Variants in RHOU observed in about 807,000 individuals in gnomAD.
RHOU encodes rho-related GTP-binding protein RhoU.
A neutral mutation model predicts 12.6 loss-of-function variants in RHOU; 8 were observed. The observed-to-expected ratio is 0.64, with a 90% CI of 0.37 to 1.15. The LOEUF (loss-of-function observed/expected upper bound fraction) is 1.15, where lower values mean the gene tolerates loss of function less well. Among genes scored for constraint, RHOU ranks in the 50% most tolerant of loss-of-function variants. RHOU has a pLI of 0.01. For synonymous variants in RHOU, 161 were observed against 147.4 expected (o/e 1.09, Z -0.67); for missense variants, 258 against 347.0 (o/e 0.74, Z 2.04).
chr1:228,700,783 T>A, the RHOU span, among the ~76,000 whole-genome samples: 1 of 152,144 alleles, frequency 6.6e-6, no homozygotes, highest in Non-Finnish European at 1.5e-5. Flanking sequence ...TGACAATGCT[T>A]TTCATATAAT....
chr1:228,691,833 A>G, the RHOU span, among the ~76,000 whole-genome samples: 1 of 152,234 alleles, frequency 6.6e-6, no homozygotes, highest in African/African-American at 2.4e-5. Context: ...AGTTTCTGCT[A>G]TCCCCTCTCA....
At chr1:228,676,526 A>T in the RHOU span, among the ~76,000 whole-genome samples, 1 of 152,204 alleles carries the variant, frequency 6.6e-6, no homozygotes, top group Non-Finnish European at 1.5e-5. Context: ...CTCAATATGT[A>T]GATTCTTTTG....
the RHOU span, among the ~76,000 whole-genome samples, chr1:228,707,257 T>TATATA: frequency 1.0e-3 from 41 of 40,382 alleles, no homozygotes; most frequent in African/African-American, 6.8e-3. Context: ...ATATATATAG[T>TATATA]GTGTGTGTGT....
the RHOU span, among the ~76,000 whole-genome samples, chr1:228,675,342 A>G: frequency 6.6e-6 from 1 of 151,576 alleles, no homozygotes; most frequent in African/African-American, 2.4e-5. Context: ...TCCTTGAACT[A>G]TCTCCTCCTT....
the RHOU span, among the ~76,000 whole-genome samples, chr1:228,672,051 C>T: frequency 1.3e-5 from 2 of 152,206 alleles, no homozygotes; most frequent in African/African-American, 4.8e-5. Context: ...AAAAGAGTTC[C>T]TGAAACTTAA....
At chr1:228,693,856 A>G in the RHOU span, among the ~76,000 whole-genome samples, 1 of 152,248 alleles carries the variant, frequency 6.6e-6, no homozygotes, top group Admixed American at 6.5e-5. Context: ...CCAAGGTAGT[A>G]TTCTTTTTTA....
chr1:228,706,779 T>G, the RHOU span, among the ~76,000 whole-genome samples: 577 of 152,262 alleles, frequency 3.8e-3, 3 homozygotes, highest in Middle Eastern at 0.027. Flanking sequence ...TAATAATTTG[T>G]ATATGTTAGC....
At chr1:228,727,433 C>T in the RHOU span, among the ~76,000 whole-genome samples, 2 of 152,056 alleles carry the variant, frequency 1.3e-5, no homozygotes, top group Admixed American at 6.6e-5. Context: ...CCTCAGCCTC[C>T]TGAGTAGCTG....
At chr1:228,710,188 A>G in the RHOU span, among the ~76,000 whole-genome samples, 1 of 152,202 alleles carries the variant, frequency 6.6e-6, no homozygotes, top group Non-Finnish European at 1.5e-5. Flanking sequence ...AACCAAAAAG[A>G]GTCCAGGACC....
At position 228,738,518 on chromosome 1, in the gene RHOU, A is replaced by C. The variant is rs1224243473; in HGVS notation, c.321+787A>C. ...TCTAGTATGTTCTAGAGTTCAGCAA[A>C]GTTCCGGGGGTACTTTGTAGGCAGG... On this transcript the variant is annotated intron_variant, in intron 2 of 2. Transcript: ENST00000366691. The surrounding 1 kb of genome is among the most constrained non-coding windows in gnomAD (Gnocchi z 4.2). 6.6e-6 allele frequency among the ~76,000 whole-genome samples: 1 copy of C among 152,134 alleles called. No individual in the cohort carries two copies. The highest frequency in any genetic ancestry group is 2.4e-5 in the African/African-American group (1 of 41,418).
At chr1:228,680,315 G>A in the RHOU span, among the ~76,000 whole-genome samples, 1 of 152,108 alleles carries the variant, frequency 6.6e-6, no homozygotes, top group Non-Finnish European at 1.5e-5. Flanking sequence ...ACCTCCAGTG[G>A]GGGCCTGCAC....
chr1:228,695,010 T>C, the RHOU span, among the ~76,000 whole-genome samples: 1 of 152,156 alleles, frequency 6.6e-6, no homozygotes, highest in East Asian at 1.9e-4. Flanking sequence ...CACTTTATCA[T>C]CCAGGCTGTA....
chr1:228,720,860 CT>C, the RHOU span, among the ~76,000 whole-genome samples: 10 of 152,202 alleles, frequency 6.6e-5, no homozygotes, highest in Non-Finnish European at 1.5e-4. Context: ...TCTCCCACCC[CT>C]GGCCCCGCAC....
the RHOU span, among the ~76,000 whole-genome samples, chr1:228,697,085 A>G: frequency 6.6e-6 from 1 of 152,206 alleles, no homozygotes; most frequent in African/African-American, 2.4e-5. Flanking sequence ...TTGCCAGGCC[A>G]CCAGTATTAC....
the RHOU span, among the ~76,000 whole-genome samples, chr1:228,696,724 A>G: frequency 6.6e-6 from 1 of 151,288 alleles, no homozygotes; most frequent in African/African-American, 2.4e-5. Flanking sequence ...ATTTTTGTGT[A>G]TTTTGTAGAG....
At chr1:228,671,560 T>C in the RHOU span, among the ~76,000 whole-genome samples, 1 of 150,920 alleles carries the variant, frequency 6.6e-6, no homozygotes, top group East Asian at 2.0e-4. Context: ...CTACTAAAAG[T>C]ACAAAAATTA....
chr1:228,692,868 G>A, the RHOU span, among the ~76,000 whole-genome samples: 1 of 152,010 alleles, frequency 6.6e-6, no homozygotes, highest in African/African-American at 2.4e-5. Flanking sequence ...AACAGTTGTT[G>A]ATAAAGTTGT....
chr1:228,707,132 A>ATG, the RHOU span, among the ~76,000 whole-genome samples: 41 of 120,394 alleles, frequency 3.4e-4, 1 homozygote, highest in Non-Finnish European at 2.9e-4. Flanking sequence ...ATATACATAT[A>ATG]TATATATATA....
chr1:228,687,711 A>G, the RHOU span: 2 of 1,473,298 alleles, frequency 1.4e-6, no homozygotes, highest in African/African-American at 1.4e-5. Context: ...GGTGAAAGCC[A>G]TCAAAGAATT....
Sources: allele counts gnomAD v4.1 joint callset (sites outside exome capture counted in the v4.1 genomes callset), GRCh38; gene constraint gnomAD v4.1.1; non-coding constraint Gnocchi (gnomAD v3.1); transcripts MANE v1.5; gene names NCBI Gene and HGNC (gene_info 2026-07-23, HGNC 2026-07-21).